MROH1: variants seen among roughly 807,000 people sequenced by gnomAD.
MROH1 encodes the protein maestro heat like repeat family member 1.
A neutral mutation model predicts 116.5 loss-of-function variants in MROH1; 117 were observed. The observed-to-expected ratio is 1.00, with a 90% CI of 0.86 to 1.17. MROH1 has a LOEUF of 1.17. Ranked by LOEUF, MROH1 falls within the 50% of genes most tolerant of loss-of-function variation. The probability of loss-of-function intolerance (pLI) is 0.00; values close to 1 mark genes in which losing one functional copy is unlikely to be tolerated. For missense variants in MROH1, 1,873 were observed against 1,338.5 expected, an observed-to-expected ratio of 1.40 and a Z score of -6.23; for synonymous variants, 921 against 583.9, an observed-to-expected ratio of 1.58 and a Z score of -8.32.
intron 12 of MROH1, among the ~76,000 whole-genome samples, chr8:144,219,016 T>TG (rs111497079): frequency 0.058 from 8,327 of 144,194 alleles, 859 homozygotes; most frequent in African/African-American, 0.21. Context: ...TGTGTTTTTT[T>TG]TTGTTGTTGT....
intron 33 of MROH1, among the ~76,000 whole-genome samples, chr8:144,253,406 CG>C (rs1236999900): frequency 6.6e-6 from 1 of 152,226 alleles, no homozygotes; most frequent in Non-Finnish European, 1.5e-5. Flanking sequence ...AGAGGCCACC[CG>C]GCCCCCAAGG....
At chr8:144,207,658 A>G (rs1211035285) in intron 12 of MROH1, among the ~76,000 whole-genome samples, 1 of 152,094 alleles carries the variant, frequency 6.6e-6, no homozygotes, top group African/African-American at 2.4e-5. Flanking sequence ...GGAGTGCACT[A>G]CCATGCCCAG....
chr8:144,228,681 C>T (rs759528274), intron 14 of MROH1, among the ~76,000 whole-genome samples: 36 of 152,322 alleles, frequency 2.4e-4, no homozygotes, highest in Admixed American at 1.8e-3. Context: ...CCAAGATGGT[C>T]GCAATCTCCT....
chr8:144,202,965 G>A (rs189789400), intron 12 of MROH1, among the ~76,000 whole-genome samples: 5,471 of 7,302 alleles, frequency 0.75, 1,922 homozygotes, highest in South Asian at 0.84. Context: ...GGAGGGGAGC[G>A]CCCGCTGTCT....
At position 144,208,864 on chromosome 8, in the gene MROH1, C is replaced by T. The variant is rs1588182633; in HGVS notation, c.1141+8323C>T. ...TCAGGCTCCTGAGTAGCTGGGATTA[C>T]AGGCATGCACCACCACATCCGGCTA... On this transcript the variant is annotated intron_variant, in intron 12 of 43. Coordinates refer to ENST00000326134, the MANE Select transcript of MROH1 (RefSeq NM_032450.3). 3.9e-5 allele frequency among the ~76,000 whole-genome samples: 6 copies of T among 152,182 alleles called. No homozygotes were observed. In the South Asian group the frequency reaches 1.0e-3, roughly 26 times the overall value.
At chr8:144,234,498 GTT>G (rs1165164431) in intron 14 of MROH1, among the ~76,000 whole-genome samples, 8 of 18,102 alleles carry the variant, frequency 4.4e-4, no homozygotes, top group African/African-American at 8.3e-4. Flanking sequence ...TTTCTTTTTC[GTT>G]TTTTTTTTTT....
chr8:144,196,643 C>G (rs1829971093), intron 10 of MROH1, among the ~76,000 whole-genome samples: 1 of 151,610 alleles, frequency 6.6e-6, no homozygotes, highest in Admixed American at 6.6e-5. Flanking sequence ...AGGCATGAGC[C>G]TCTGTGCCCA....
Position 144,261,127 on chromosome 8 carries a change from C to G in MROH1, c.4685C>G (p.Pro1562Arg). The G allele has an allele frequency of 1.3e-6, 1 of 774,810 alleles. No individual in the cohort carries two copies. The highest frequency in any genetic ancestry group is 1.3e-5 in the South Asian group (1 of 74,560). 48.0% of individuals were successfully genotyped at this position (774,810 alleles called of 1,614,324 possible). ...GCCTCTCCCCAGATGCACCATTTCC[C>G]AGACCTGCTGGGCCGTCTCCTGACC... ...TTCKHLMHHF[P>R]DLLGRLLTTC... Residue 1562 changes from proline (P) to arginine (R), a missense_variant, in exon 42 of 44, where the codon CCA becomes CGA. Physicochemically the swap from Pro to Arg is moderately radical, Grantham distance 103. Coordinates refer to ENST00000326134, the MANE Select transcript of MROH1 (RefSeq NM_032450.3).
chr8:144,208,721 TTTTTTTC>T (rs1344500233), intron 12 of MROH1, among the ~76,000 whole-genome samples: 1 of 152,004 alleles, frequency 6.6e-6, no homozygotes, highest in East Asian at 1.9e-4. Context: ...ATCACACTTT[TTTTTTTC>T]TTTTTTCTTT....
chr8:144,183,501 A>C (rs746816141), intron 7 of MROH1, among the ~76,000 whole-genome samples: 2 of 151,470 alleles, frequency 1.3e-5, no homozygotes, highest in Admixed American at 1.3e-4. Context: ...TGATGAGTTG[A>C]CCAGCATCCT....
chr8:144,172,475 G>A (rs566577282), intron 4 of MROH1, among the ~76,000 whole-genome samples: 2 of 150,232 alleles, frequency 1.3e-5, no homozygotes, highest in Admixed American at 6.7e-5. Context: ...GCAATGGCGC[G>A]ATCTCGGCTC....
intron 4 of MROH1, among the ~76,000 whole-genome samples, chr8:144,174,478 C>T (rs186001098): frequency 2.0e-5 from 3 of 151,270 alleles, no homozygotes; most frequent in East Asian, 1.9e-4. Context: ...TAATACATAA[C>T]CTTTTTTTTT....
intron 10 of MROH1, among the ~76,000 whole-genome samples, chr8:144,196,227 T>C (rs1196166812): frequency 6.7e-6 from 1 of 148,690 alleles, no homozygotes; most frequent in Non-Finnish European, 1.5e-5. Context: ...GAGGCGGAGG[T>C]TGCATTGAGC....
chr8:144,202,892 A>G (rs1234459057), intron 12 of MROH1, among the ~76,000 whole-genome samples: 22 of 25,664 alleles, frequency 8.6e-4, no homozygotes, highest in Non-Finnish European at 1.1e-3. Context: ...GGGGCAGGGA[A>G]GGAAGCGCGG....
intron 7 of MROH1, among the ~76,000 whole-genome samples, chr8:144,186,906 A>G (rs1161831833): frequency 1.3e-5 from 2 of 152,106 alleles, no homozygotes; most frequent in African/African-American, 4.8e-5. Context: ...CAGCCTGGGC[A>G]ACACGGTGAA....
chr8:144,186,045 G>C (rs1827075840), intron 7 of MROH1, among the ~76,000 whole-genome samples: 1 of 152,086 alleles, frequency 6.6e-6, no homozygotes, highest in East Asian at 1.9e-4. Flanking sequence ...TGCTCCGTGG[G>C]CTCCGCAGTG....
chr8:144,198,855 G>A (rs1171314570), intron 10 of MROH1, among the ~76,000 whole-genome samples: 1 of 152,132 alleles, frequency 6.6e-6, no homozygotes, highest in African/African-American at 2.4e-5. Context: ...GTAGCTGTGT[G>A]TCTGCCTGTT....
At chr8:144,156,264 A>C (rs1478035655) in intron 1 of MROH1, among the ~76,000 whole-genome samples, 1 of 147,828 alleles carries the variant, frequency 6.8e-6, no homozygotes. Flanking sequence ...AAAAAAAAAA[A>C]GTTGAGCAGG....
intron 19 of MROH1, 73 bp downstream of exon 19, chr8:144,240,226 G>T (rs891339414): frequency 2.9e-6 from 2 of 684,470 alleles, no homozygotes; most frequent in South Asian, 3.3e-5. Flanking sequence ...GGTGGCAGAG[G>T]CTGGGCCACC....
Sources: allele counts gnomAD v4.1 joint callset (sites outside exome capture counted in the v4.1 genomes callset), GRCh38; gene constraint gnomAD v4.1.1; transcripts MANE v1.5; gene names NCBI Gene and HGNC (gene_info 2026-07-23, HGNC 2026-07-21).